Variants in WDFY3 observed in about 807,000 individuals in gnomAD.
WDFY3 encodes WD repeat and FYVE domain-containing protein 3.
A neutral mutation model predicts 409.6 loss-of-function variants in WDFY3; 66 were observed. The ratio of observed to expected loss-of-function variants is 0.16; its 90% CI spans 0.13 to 0.20. The LOEUF (loss-of-function observed/expected upper bound fraction) is 0.20. WDFY3 is among the 10% of genes least tolerant of loss of function. The pLI is 1.00. For missense variants in WDFY3, 3,031 were observed against 4,298.1 expected (o/e 0.71, Z 8.24); for synonymous variants, 1,521 against 1,537.1 (o/e 0.99, Z 0.25).
chr4:84,913,979 C>A (rs1305229912), intron 2 of WDFY3, among the ~76,000 whole-genome samples: 1 of 152,142 alleles, frequency 6.6e-6, no homozygotes, highest in Non-Finnish European at 1.5e-5. Flanking sequence ...TCCACTTTCA[C>A]TTAATGAATG....
chr4:84,844,372 G>C, intron 5 of WDFY3: 1 of 1,212,708 alleles, frequency 8.2e-7, no homozygotes, highest in Non-Finnish European at 1.1e-6. Context: ...CCACAAGTTA[G>C]TCAGAAAAAC....
At chr4:84,899,161 C>G (rs796513318) in intron 2 of WDFY3, among the ~76,000 whole-genome samples, 1 of 152,282 alleles carries the variant, frequency 6.6e-6, no homozygotes, top group East Asian at 1.9e-4. Context: ...AAAAGGCAAC[C>G]TCCTTGAAAT....
Position 84,857,315 on chromosome 4 carries a change from A to G in WDFY3, c.180+3097T>C, listed in dbSNP as rs1759894840. ...CTCATATCTACTTATTAAAAAAACA[A>G]ATAGTCATGAGATTCTTCTAGTCTA... On this transcript the variant is annotated intron_variant, in intron 4 of 67. Transcript: ENST00000295888. Among the ~76,000 whole-genome samples, 6 of 152,304 alleles carry G rather than the reference A, an allele frequency of 3.9e-5. No homozygotes were observed. In the South Asian group the frequency reaches 1.2e-3, roughly 32 times the overall value.
intron 36 of WDFY3, among the ~76,000 whole-genome samples, chr4:84,744,041 A>C (rs1738905962): frequency 6.7e-6 from 1 of 149,154 alleles, no homozygotes; most frequent in Non-Finnish European, 1.5e-5. Flanking sequence ...CCATTATTTA[A>C]AACATAGTAT....
At chr4:84,954,376 T>C (rs976446667) in intron 1 of WDFY3, among the ~76,000 whole-genome samples, 1 of 152,180 alleles carries the variant, frequency 6.6e-6, no homozygotes, top group African/African-American at 2.4e-5. Context: ...TACTCAACTA[T>C]GGCATTTATC....
chr4:84,846,865 T>C (rs765820397), intron 5 of WDFY3, among the ~76,000 whole-genome samples: 1 of 151,800 alleles, frequency 6.6e-6, no homozygotes, highest in Non-Finnish European at 1.5e-5. Context: ...GCAACCAAAC[T>C]ACCAAAGAAC....
At chr4:84,675,176 G>C (rs1328962868) in intron 67 of WDFY3, among the ~76,000 whole-genome samples, 1 of 151,848 alleles carries the variant, frequency 6.6e-6, no homozygotes, top group Non-Finnish European at 1.5e-5. Context: ...GGCTGGTCTC[G>C]AACTCCTGAC....
intron 2 of WDFY3, among the ~76,000 whole-genome samples, chr4:84,918,630 G>A (rs900585139): frequency 5.3e-5 from 8 of 151,574 alleles, no homozygotes; most frequent in Admixed American, 2.6e-4. Context: ...GATGGTACTC[G>A]TTTAGACCAA....
chr4:84,686,733 C>T (rs183764945), intron 62 of WDFY3, among the ~76,000 whole-genome samples: 6 of 152,198 alleles, frequency 3.9e-5, no homozygotes, highest in Admixed American at 6.5e-5. Context: ...ACTCCCAAGA[C>T]GGATTTGTAT....
chr4:84,824,824 T>C (rs866824105), intron 10 of WDFY3, among the ~76,000 whole-genome samples: 1 of 152,166 alleles, frequency 6.6e-6, no homozygotes, highest in Middle Eastern at 3.2e-3. Context: ...CTATTTCCTA[T>C]GATCCTTGCA....
rs758415191 is a variant in WDFY3 at position 84,739,117 on chromosome 4, T to C, written c.6467A>G (p.Asn2156Ser). Residue 2156 changes from asparagine to serine, a missense_variant and splice_region_variant, in exon 40 of 68, where the codon AAC becomes AGC. Transcript: ENST00000295888. ...HCLINLHVGS[N>S]VDGFGLEAEA... is the part of the protein sequence containing the mutation. Reference sequence around the variant, plus strand: ...TGCTTCCAGTCCAAATCCATCCACGTTGCTGAAAAATTCCAGTCAGTTTAA... The same window carrying C: ...TGCTTCCAGTCCAAATCCATCCACGCTGCTGAAAAATTCCAGTCAGTTTAA... 2 of 1,614,054 alleles carry C rather than the reference T, an allele frequency of 1.2e-6. No homozygotes were observed. The highest frequency in any genetic ancestry group is 1.7e-5 in the Admixed American group (1 of 60,022).
At chr4:84,781,004 T>C (rs1405461650) in intron 25 of WDFY3, among the ~76,000 whole-genome samples, 2 of 152,096 alleles carry the variant, frequency 1.3e-5, no homozygotes, top group Non-Finnish European at 2.9e-5. Flanking sequence ...GGGAATAACC[T>C]TGGGGACAAT....
chr4:84,813,873 T>C (rs573909031), intron 13 of WDFY3, among the ~76,000 whole-genome samples: 1 of 152,310 alleles, frequency 6.6e-6, no homozygotes, highest in Non-Finnish European at 1.5e-5. Context: ...TCGACACTCA[T>C]GTGGATATCC....
chr4:84,932,665 G>A (rs980540304), intron 1 of WDFY3, among the ~76,000 whole-genome samples: 4 of 152,118 alleles, frequency 2.6e-5, no homozygotes, highest in Non-Finnish European at 5.9e-5. Context: ...TAGTGTTAGA[G>A]CCAGATTCAG....
chr4:84,760,767 C>A (rs1170173926), intron 32 of WDFY3, among the ~76,000 whole-genome samples: 2 of 145,286 alleles, frequency 1.4e-5, no homozygotes, highest in East Asian at 4.0e-4. Flanking sequence ...CTCCTGGATT[C>A]ATTAATTTTT....
chr4:84,678,952 T>G lies in WDFY3; in HGVS notation c.10114A>C (p.Ile3372Leu), dbSNP rs760479868. The G allele has an allele frequency of 1.9e-5, 31 of 1,613,514 alleles. No individual in the cohort carries two copies. The South Asian group carries it at 3.2e-4, about 17-fold the overall frequency. The stretch of plus-strand genomic sequence containing the variant: ...AATCTGCTGTAATTCCGCACCTCAA[T>G]GGGATTGGGGTGGGGGTGGCTAAGG... ...GPLSHPHPNP[I>L]EVRNYSRLKP... is the part of the protein sequence containing the mutation. The change falls in exon 65 of 68, where the codon ATT (isoleucine) becomes CTT (leucine). Residue 3372 changes from isoleucine to leucine, a missense_variant. Coordinates refer to ENST00000295888, the MANE Select transcript of WDFY3 (RefSeq NM_014991.6).
chr4:84,788,457 A>C (rs1747912591), intron 22 of WDFY3, among the ~76,000 whole-genome samples: 1 of 152,356 alleles, frequency 6.6e-6, no homozygotes, highest in Non-Finnish European at 1.5e-5. Flanking sequence ...CAACTCTAGA[A>C]GCTGAGGGCA....
chr4:84,792,607 G>T (rs779136446), intron 21 of WDFY3, among the ~76,000 whole-genome samples: 4 of 152,108 alleles, frequency 2.6e-5, no homozygotes, highest in Non-Finnish European at 5.9e-5. Context: ...TTCGGAGAAT[G>T]AATCCTGGCA....
intron 25 of WDFY3, among the ~76,000 whole-genome samples, chr4:84,780,921 G>A (rs528391448): frequency 1.3e-5 from 2 of 152,224 alleles, no homozygotes; most frequent in South Asian, 4.1e-4. Context: ...TGTAGCTCTG[G>A]GCTGTACTCA....
Sources: gnomAD v4.1 joint callset for allele counts (sites outside exome capture counted in the v4.1 genomes callset) on GRCh38, gnomAD v4.1.1 for gene constraint, MANE v1.5 for transcripts, NCBI Gene and HGNC (gene_info 2026-07-23, HGNC 2026-07-21) for gene names.